The following SRRM4 variants were observed in gnomAD, a reference collection of about 807,000 sequenced individuals.
SRRM4 encodes the protein serine/arginine repetitive matrix protein 4.
SRRM4 carries 33 observed loss-of-function variants against 68.9 expected under a neutral mutation model. The ratio of observed to expected loss-of-function variants is 0.48; its 90% CI spans 0.36 to 0.64. The LOEUF (loss-of-function observed/expected upper bound fraction) is 0.64. Ranked by LOEUF, SRRM4 falls within the 30% of genes least tolerant of loss-of-function variation. The pLI is 0.00. For synonymous variants in SRRM4, 318 were observed against 318.8 expected, an observed-to-expected ratio of 1.00 and a Z score of 0.03; for missense variants, 817 against 827.1, an observed-to-expected ratio of 0.99 and a Z score of 0.15.
Position 119,150,788 on chromosome 12 carries a change from C to T in SRRM4, c.1077-229C>T, listed in dbSNP as rs144172370. ...ACTGTGGCCCCAGCGGTATGTGTTT[C>T]ACACTTGAGGAAATGCTAACCTGAA... On this transcript the variant is annotated intron_variant, in intron 9 of 12. Coordinates refer to ENST00000267260, the MANE Select transcript of SRRM4 (RefSeq NM_194286.4). Among the ~76,000 whole-genome samples, 112 of 152,308 alleles carry T rather than the reference C, an allele frequency of 7.4e-4. 1 individual carries two copies. In the East Asian group the frequency reaches 0.014, roughly 18 times the overall value.
rs1490308562 is a variant in SRRM4 at position 119,156,648 on chromosome 12, C to A, written c.1686C>A (p.Ser562Arg). The A allele has an allele frequency of 6.3e-7, 1 of 1,586,712 alleles. No individual in the cohort carries two copies. The highest frequency in any genetic ancestry group is 1.8e-5 in the Admixed American group (1 of 56,566). Reference protein sequence around the residue: ...SRSRSRSRRRSRTRTSSSSSS... With the variant: ...SRSRSRSRRRRRTRTSSSSSS... Reference sequence around the variant, plus strand: ...GTCGGAGCCGGAGCCGGAGACGGAGCCGGACCCGCACGAGCAGCAGCTCTA... The same window carrying A: ...GTCGGAGCCGGAGCCGGAGACGGAGACGGACCCGCACGAGCAGCAGCTCTA... Residue 562 changes from serine to arginine, a missense_variant, in exon 13 of 13, where the codon AGC becomes AGA. Transcript: ENST00000267260.
At chr12:118,999,556 T>C (rs1033034758) in intron 1 of SRRM4, among the ~76,000 whole-genome samples, 7 of 152,154 alleles carry the variant, frequency 4.6e-5, no homozygotes, top group Admixed American at 2.0e-4. Flanking sequence ...GGAAGAATTA[T>C]TTTTTTCCAT....
At chr12:119,013,464 T>G (rs150323324) in intron 1 of SRRM4, among the ~76,000 whole-genome samples, 3 of 152,360 alleles carry the variant, frequency 2.0e-5, no homozygotes, top group Non-Finnish European at 4.4e-5. Flanking sequence ...TAAAAAGTAC[T>G]GCAGAAGTAT....
At chr12:119,052,061 C>T (rs1392446269) in intron 1 of SRRM4, among the ~76,000 whole-genome samples, 2 of 152,156 alleles carry the variant, frequency 1.3e-5, no homozygotes, top group Non-Finnish European at 1.5e-5. Flanking sequence ...TTATCATTTT[C>T]CTCTTTCTGC....
intron 9 of SRRM4, among the ~76,000 whole-genome samples, chr12:119,146,914 T>C (rs575956135): frequency 6.6e-5 from 10 of 151,086 alleles, no homozygotes; most frequent in Non-Finnish European, 1.2e-4. Context: ...CCAGCCTGGG[T>C]GACAGAGCCA....
intron 7 of SRRM4, among the ~76,000 whole-genome samples, chr12:119,128,589 TG>T (rs1354978086): frequency 6.6e-6 from 1 of 152,186 alleles, no homozygotes; most frequent in Non-Finnish European, 1.5e-5. Flanking sequence ...TGGAGGACAT[TG>T]GCCAAATGAG....
At chr12:119,128,770 G>A (rs1045245336) in intron 7 of SRRM4, among the ~76,000 whole-genome samples, 7 of 152,172 alleles carry the variant, frequency 4.6e-5, no homozygotes, top group East Asian at 1.9e-4. Context: ...ATTATCTCTC[G>A]GCAGCTAAGC....
intron 1 of SRRM4, among the ~76,000 whole-genome samples, chr12:118,994,567 C>T (rs1953337598): frequency 6.6e-6 from 1 of 152,222 alleles, no homozygotes; most frequent in Admixed American, 6.5e-5. Flanking sequence ...CATCAACTCC[C>T]AGTCACCAAG....
At chr12:118,994,265 T>G (rs1953335639) in intron 1 of SRRM4, 1 of 152,172 alleles carries the variant, frequency 6.6e-6, no homozygotes. Context: ...TCTATAGCAT[T>G]TATGTCCTAT....
At chr12:119,037,283 C>T (rs550476125) in intron 1 of SRRM4, among the ~76,000 whole-genome samples, 1 of 151,998 alleles carries the variant, frequency 6.6e-6, no homozygotes, top group South Asian at 2.1e-4. Context: ...CCATGTGAGG[C>T]GGAAAATGCC....
chr12:118,981,816 C>T lies in SRRM4; in HGVS notation c.-67C>T. ...CAGAGCCGGGAGCTGGGTGTCGCCC[C>T]CGTTTGGAATCCACGTTTCAGCACT... On this transcript the variant is annotated 5_prime_UTR_variant, in exon 1 of 13. Coordinates refer to ENST00000267260, the MANE Select transcript of SRRM4 (RefSeq NM_194286.4). The T allele has an allele frequency of 6.4e-7, 1 of 1,555,050 alleles. No individual in the cohort carries two copies. The highest frequency in any genetic ancestry group is 8.7e-7 in the Non-Finnish European group (1 of 1,148,292).
intron 1 of SRRM4, among the ~76,000 whole-genome samples, chr12:119,091,629 T>C (rs1161661459): frequency 6.6e-6 from 1 of 152,174 alleles, no homozygotes; most frequent in Non-Finnish European, 1.5e-5. Flanking sequence ...GCAGCAACCT[T>C]GTAAAGTGAT....
At chr12:119,072,934 G>T (rs1953886553) in intron 1 of SRRM4, among the ~76,000 whole-genome samples, 1 of 152,140 alleles carries the variant, frequency 6.6e-6, no homozygotes, top group Non-Finnish European at 1.5e-5. Flanking sequence ...GCTCAGATCT[G>T]AATTTAGATC....
intron 1 of SRRM4, among the ~76,000 whole-genome samples, chr12:119,021,991 T>C (rs917553870): frequency 3.3e-5 from 5 of 152,074 alleles, no homozygotes; most frequent in African/African-American, 9.6e-5. Context: ...TCTAGATCCT[T>C]GACACAGGGA....
intron 1 of SRRM4, among the ~76,000 whole-genome samples, chr12:119,090,869 G>C (rs976479471): frequency 2.0e-5 from 3 of 152,194 alleles, no homozygotes; most frequent in Non-Finnish European, 4.4e-5. Context: ...TGTAACCCAG[G>C]AGGAGAGACA....
At chr12:119,135,750 A>C (rs558547387) in intron 8 of SRRM4, among the ~76,000 whole-genome samples, 4 of 152,358 alleles carry the variant, frequency 2.6e-5, no homozygotes, top group African/African-American at 7.2e-5. Context: ...AAGGAAACCC[A>C]GCCAAGAAAA....
chr12:118,996,943 C>A (rs1433638851), intron 1 of SRRM4, among the ~76,000 whole-genome samples: 7 of 152,170 alleles, frequency 4.6e-5, no homozygotes, highest in African/African-American at 1.7e-4. Flanking sequence ...GAGGAAGGTT[C>A]TGCACAGAGA....
intron 1 of SRRM4, among the ~76,000 whole-genome samples, chr12:118,984,998 G>T (rs574243847): frequency 2.6e-5 from 4 of 152,322 alleles, no homozygotes; most frequent in South Asian, 4.1e-4. Context: ...GTTAGGTAAA[G>T]CTCTACCCCT....
intron 7 of SRRM4, among the ~76,000 whole-genome samples, chr12:119,126,113 T>A (rs112786909): frequency 7.8e-6 from 1 of 127,578 alleles, no homozygotes; most frequent in Non-Finnish European, 1.6e-5. Context: ...AACCTCCACC[T>A]CCTGGGTTCA....
Sources: allele counts gnomAD v4.1 joint callset (sites outside exome capture counted in the v4.1 genomes callset), GRCh38; gene constraint gnomAD v4.1.1; transcripts MANE v1.5; gene names NCBI Gene and HGNC (gene_info 2026-07-23, HGNC 2026-07-21).